KREMEN1: variants seen among roughly 807,000 people sequenced by gnomAD.
KREMEN1 encodes kringle containing transmembrane protein 1.
In KREMEN1, 30 loss-of-function variants were observed where a neutral mutation model predicts 46.5. The ratio of observed to expected loss-of-function variants is 0.65; its 90% CI spans 0.48 to 0.88. The LOEUF is 0.88. KREMEN1 is among the 40% of genes least tolerant of loss of function. The pLI is 0.00. For missense variants in KREMEN1, 533 were observed against 596.9 expected (o/e 0.89, Z 1.11); for synonymous variants, 214 against 230.6 (o/e 0.93, Z 0.65).
chr22:29,128,042 A>T (rs1210841431), intron 5 of KREMEN1, among the ~76,000 whole-genome samples: 1 of 152,212 alleles, frequency 6.6e-6, no homozygotes, highest in Non-Finnish European at 1.5e-5. Context: ...AAAGCCACAC[A>T]AATGGAAGCC....
At chr22:29,159,786 G>T (rs138643625) in intron 9 of KREMEN1, among the ~76,000 whole-genome samples, 13 of 152,286 alleles carry the variant, frequency 8.5e-5, no homozygotes, top group South Asian at 2.1e-4. Context: ...TGATGTTGAG[G>T]ATGGCAGATG....
At position 29,142,196 on chromosome 22, in the gene KREMEN1, A is replaced by G. The variant is rs1016303725; in HGVS notation, c.*84A>G. The G allele has an allele frequency of 1.4e-6, 2 of 1,446,128 alleles. No individual in the cohort carries two copies. The highest frequency in any genetic ancestry group is 2.9e-5 in the African/African-American group (2 of 68,978). 89.6% of individuals were successfully genotyped at this position (1,446,128 alleles called of 1,614,324 possible). On this transcript the variant is annotated 3_prime_UTR_variant, in exon 9 of 9. Transcript: ENST00000400335. Reference sequence around the variant, plus strand: ...ACCTCTCCTGTGGTTCTTCTCTGACAGACTCTTCCCCTCCTCTCCCTCTGC... The same window carrying G: ...ACCTCTCCTGTGGTTCTTCTCTGACGGACTCTTCCCCTCCTCTCCCTCTGC...
At chr22:29,109,846 T>C (rs1303451952) in intron 3 of KREMEN1, among the ~76,000 whole-genome samples, 3 of 152,142 alleles carry the variant, frequency 2.0e-5, no homozygotes, top group Admixed American at 6.5e-5. Context: ...AAGTCCAAGA[T>C]GCACTTAGGA....
rs2038864457 is a variant in KREMEN1 at position 29,146,429 on chromosome 22, G to A, written c.*4317G>A. 2 of 985,572 alleles carry A rather than the reference G, an allele frequency of 2.0e-6. No individual in the cohort carries two copies. The highest frequency in any genetic ancestry group is 1.7e-5 in the African/African-American group (1 of 57,230). 61.1% of individuals were successfully genotyped at this position (985,572 alleles called of 1,614,324 possible). A position where few individuals can be genotyped will look rare whatever the true frequency, so the allele number is the denominator to read the frequency against. ...GGTACGGAGGCAGAAGTGGGGTGTG[G>A]AGGAAAGTCAGAGGGAAATCTGCTT... is the stretch of plus-strand genomic sequence containing the variant. On this transcript the variant is annotated 3_prime_UTR_variant, in exon 9 of 9. Coordinates refer to ENST00000400335, the MANE Select transcript of KREMEN1 (RefSeq NM_001039570.3).
rs2038843146 is a variant in KREMEN1, at chr22:29,145,497, C to A, written c.*3385C>A. ...CCTGCCTTCTTGGTACCTGTGCCAA[C>A]AGGAGAGCCCTCACCAGCCGATCTT... On this transcript the variant is annotated 3_prime_UTR_variant, in exon 9 of 9. Transcript: ENST00000400335. 1.0e-6 allele frequency: 1 copy of A among 985,570 alleles called. No individual in the cohort carries two copies. Among genetic ancestry groups the A allele is most frequent in the Non-Finnish European group, 1.2e-6 (1 of 830,050 alleles). 61.1% of individuals were successfully genotyped at this position (985,570 alleles called of 1,614,324 possible). A position where few individuals can be genotyped will look rare whatever the true frequency, so the allele number is the denominator to read the frequency against.
At chr22:29,150,121 C>G, downstream of KREMEN1, among the ~76,000 whole-genome samples, 1 of 152,244 alleles carries the variant, frequency 6.6e-6, no homozygotes, top group East Asian at 1.9e-4. Flanking sequence ...CCTTAAGAAG[C>G]AGCAACATTT....
Position 29,144,810 on chromosome 22 carries a change from A to G in KREMEN1, c.*2698A>G, listed in dbSNP as rs2038828135. 4.1e-6 allele frequency: 4 copies of G among 985,390 alleles called. No individual in the cohort carries two copies. Among genetic ancestry groups the G allele is most frequent in the Non-Finnish European group, 4.8e-6 (4 of 829,952 alleles). The allele number at this position is 985,390 out of a possible 1,614,324, so 61.0% of individuals were successfully genotyped here. Reference sequence around the variant, plus strand: ...CAAATGCCCACCTTGCCCTCCTCACATCTCAGTCAGGGGAGGCCATGCCCA... The same window carrying G: ...CAAATGCCCACCTTGCCCTCCTCACGTCTCAGTCAGGGGAGGCCATGCCCA... On this transcript the variant is annotated 3_prime_UTR_variant, in exon 9 of 9. Transcript: ENST00000400335.
rs141408703 is a variant in KREMEN1, at chr22:29,145,704, C to T, written c.*3592C>T. The T allele has an allele frequency of 1.9e-4, 187 of 985,534 alleles. No homozygotes were observed. In the African/African-American group the frequency reaches 2.9e-3, roughly 15 times the overall value. 61.0% of individuals were successfully genotyped at this position (985,534 alleles called of 1,614,324 possible). ...AGGAGTGAACCCGAGTGACTTCACCCGCCCTGTCCCCCACGTCAGGACAGG... is the reference window on the plus strand; with the variant it reads ...AGGAGTGAACCCGAGTGACTTCACCTGCCCTGTCCCCCACGTCAGGACAGG... On this transcript the variant is annotated 3_prime_UTR_variant, in exon 9 of 9. Coordinates refer to ENST00000400335, the MANE Select transcript of KREMEN1 (RefSeq NM_001039570.3).
intron 3 of KREMEN1, among the ~76,000 whole-genome samples, chr22:29,101,245 C>T (rs1291640569): frequency 3.1e-5 from 3 of 96,460 alleles, no homozygotes; most frequent in Admixed American, 1.4e-4. Flanking sequence ...CAACAAGAGT[C>T]TGTCTCCAAA....
chr22:29,093,794 A>C (rs1259997686), intron 1 of KREMEN1, among the ~76,000 whole-genome samples: 3 of 152,234 alleles, frequency 2.0e-5, no homozygotes, highest in Non-Finnish European at 1.5e-5. Context: ...TCCAAGTGTC[A>C]GTGCAGCCTT....
At chr22:29,120,607 T>G (rs1190824053) in intron 3 of KREMEN1, among the ~76,000 whole-genome samples, 1 of 52,162 alleles carries the variant, frequency 1.9e-5, no homozygotes, top group African/African-American at 7.8e-5. Flanking sequence ...AAAGGAGAAG[T>G]GATGAAGGAA....
At chr22:29,136,377 T>A (rs2038657378) in intron 5 of KREMEN1, among the ~76,000 whole-genome samples, 1 of 151,498 alleles carries the variant, frequency 6.6e-6, no homozygotes, top group Non-Finnish European at 1.5e-5. Context: ...ATCGAGACCA[T>A]CCTGGCTAAC....
downstream of KREMEN1, chr22:29,168,333 C>CAAA (rs60121498): frequency 1.4e-4 from 11 of 79,316 alleles, no homozygotes; most frequent in African/African-American, 3.5e-4. Flanking sequence ...GACCCTGTCT[C>CAAA]AAAAAAAAAA....
chr22:29,143,927 G>A lies in KREMEN1; in HGVS notation c.*1815G>A, dbSNP rs2038812002. The A allele has an allele frequency of 2.0e-6, 2 of 985,262 alleles. No individual in the cohort carries two copies. The highest frequency in any genetic ancestry group is 2.4e-6 in the Non-Finnish European group (2 of 829,946). 61.0% of individuals were successfully genotyped at this position (985,262 alleles called of 1,614,324 possible). On this transcript the variant is annotated 3_prime_UTR_variant, in exon 9 of 9. Transcript: ENST00000400335. ...CCAGAAGAGGGTGGGTTTGGGAATTGGAGCTCCTCCAAGGAGCTCCTCCTA... is the reference window on the plus strand; with the variant it reads ...CCAGAAGAGGGTGGGTTTGGGAATTAGAGCTCCTCCAAGGAGCTCCTCCTA...
At chr22:29,076,896 T>C (rs134600) in intron 1 of KREMEN1, among the ~76,000 whole-genome samples, 97,722 of 152,076 alleles carry the variant, frequency 0.64, 31,603 homozygotes, top group Middle Eastern at 0.78. Context: ...AGGCAATGAG[T>C]CCCTTTATAA....
intron 2 of KREMEN1, among the ~76,000 whole-genome samples, chr22:29,094,733 C>T (rs2037858006): frequency 6.6e-6 from 1 of 151,698 alleles, no homozygotes; most frequent in Non-Finnish European, 1.5e-5. Flanking sequence ...ACGCCATTCT[C>T]CTGCCTCAGC....
At chr22:29,078,049 T>C (rs889006047) in intron 1 of KREMEN1, among the ~76,000 whole-genome samples, 2 of 152,114 alleles carry the variant, frequency 1.3e-5, no homozygotes, top group African/African-American at 4.8e-5. Context: ...CCCAGGAGTT[T>C]GAGACCAGCC....
At chr22:29,159,899 T>C (rs1178776657) in intron 9 of KREMEN1, among the ~76,000 whole-genome samples, 1 of 151,912 alleles carries the variant, frequency 6.6e-6, no homozygotes, top group African/African-American at 2.4e-5. Context: ...TAGAAACACT[T>C]AAGGAGACCT....
At chr22:29,085,581 G>T (rs1411682572) in intron 1 of KREMEN1, among the ~76,000 whole-genome samples, 1 of 152,126 alleles carries the variant, frequency 6.6e-6, no homozygotes, top group African/African-American at 2.4e-5. Flanking sequence ...GGTGTATTTA[G>T]GTAATGTGAG....
Sources: allele counts gnomAD v4.1 joint callset (sites outside exome capture counted in the v4.1 genomes callset), GRCh38; gene constraint gnomAD v4.1.1; transcripts MANE v1.5; gene names NCBI Gene and HGNC (gene_info 2026-07-23, HGNC 2026-07-21).